The following AP1S3 variants were observed in gnomAD, a reference collection of about 807,000 sequenced individuals.
AP1S3 encodes AP-1 complex subunit sigma-3.
Under a neutral mutation model 20.9 loss-of-function variants are expected in AP1S3, and 10 were observed. That is an observed-to-expected ratio of 0.48 (90% CI 0.29 to 0.81). AP1S3 has a LOEUF of 0.81. Among genes scored for constraint, AP1S3 ranks in the 30% least tolerant of loss-of-function variants. The pLI is 0.08. For missense variants in AP1S3, 154 were observed against 183.8 expected, an observed-to-expected ratio of 0.84 and a Z score of 0.94; for synonymous variants, 41 against 61.5, an observed-to-expected ratio of 0.67 and a Z score of 1.56.
intron 1 of AP1S3, among the ~76,000 whole-genome samples, chr2:223,791,967 C>T (rs1691224638): frequency 6.6e-6 from 1 of 151,192 alleles, no homozygotes; most frequent in Non-Finnish European, 1.5e-5. Context: ...AGGAATACAG[C>T]TAACAAAAAC....
At chr2:223,825,458 A>G (rs557945880) in intron 1 of AP1S3, among the ~76,000 whole-genome samples, 211 of 152,130 alleles carry the variant, frequency 1.4e-3, no homozygotes, top group Non-Finnish European at 2.7e-3. Flanking sequence ...TCACTCATAC[A>G]CACACTGTTT....
At chr2:223,826,278 G>A (rs1212553365) in intron 1 of AP1S3, among the ~76,000 whole-genome samples, 2 of 151,368 alleles carry the variant, frequency 1.3e-5, no homozygotes, top group African/African-American at 2.4e-5. Context: ...ATTTCAGTAC[G>A]ACTCTGAAGT....
intron 3 of AP1S3, among the ~76,000 whole-genome samples, chr2:223,773,651 A>G (rs1690684197): frequency 6.6e-6 from 1 of 152,172 alleles, no homozygotes; most frequent in South Asian, 2.1e-4. Flanking sequence ...TCCAGTGTTC[A>G]TCCTTATGAA....
chr2:223,789,375 C>G (rs910465895), intron 1 of AP1S3, among the ~76,000 whole-genome samples: 1 of 151,974 alleles, frequency 6.6e-6, no homozygotes, highest in Non-Finnish European at 1.5e-5. Flanking sequence ...TGGACCCCCC[C>G]CAAAAAAATA....
At chr2:223,794,448 T>C (rs1691288420) in intron 1 of AP1S3, among the ~76,000 whole-genome samples, 1 of 152,128 alleles carries the variant, frequency 6.6e-6, no homozygotes, top group African/African-American at 2.4e-5. Flanking sequence ...AAGCCCAGGG[T>C]TTTATTGGGT....
At position 223,819,528 on chromosome 2, in the gene AP1S3, CAATAA is replaced by C. The variant is rs969831631; in HGVS notation, c.3+17915_3+17919del. Among the ~76,000 whole-genome samples the C allele has an allele frequency of 1.1e-4, 16 of 150,416 alleles. No individual in the cohort carries two copies. The South Asian group carries it at 3.1e-3, about 29-fold the overall frequency. ...AAGTCCATAAATAACTGGCAGTTGGCAATAAAATTGACATTTAATTATATATCTTT... is the reference window on the plus strand; with the variant it reads ...AAGTCCATAAATAACTGGCAGTTGGCAATTGACATTTAATTATATATCTTT... On this transcript the variant is annotated intron_variant, in intron 1 of 4. Transcript: ENST00000396654.
At chr2:223,800,727 A>T (rs1691449072) in intron 1 of AP1S3, among the ~76,000 whole-genome samples, 1 of 152,228 alleles carries the variant, frequency 6.6e-6, no homozygotes, top group Admixed American at 6.5e-5. Flanking sequence ...TACAATTAAC[A>T]TTATACTTAA....
chr2:223,770,726 C>CTTTTTTTTTTTTTTTT (rs1194728092), intron 3 of AP1S3, among the ~76,000 whole-genome samples: 1 of 76,630 alleles, frequency 1.3e-5, no homozygotes, highest in Non-Finnish European at 2.1e-5. Flanking sequence ...TAGACCAGTT[C>CTTTTTTTTTTTTTTTT]ATTTTTTTTT....
intron 1 of AP1S3, among the ~76,000 whole-genome samples, chr2:223,811,311 T>C (rs539383143): frequency 1.3e-5 from 2 of 152,210 alleles, no homozygotes; most frequent in East Asian, 1.9e-4. Context: ...CTCATGCCTG[T>C]AATCCCAACA....
At chr2:223,785,660 T>A (rs897952446) in intron 1 of AP1S3, among the ~76,000 whole-genome samples, 1 of 152,206 alleles carries the variant, frequency 6.6e-6, no homozygotes. Context: ...AATAAAACTT[T>A]AGCTCAAAGA....
intron 1 of AP1S3, among the ~76,000 whole-genome samples, chr2:223,783,230 C>A (rs1324551272): frequency 6.6e-6 from 1 of 152,150 alleles, no homozygotes. Flanking sequence ...GCTGTAACAT[C>A]CAGGGAGGCG....
In AP1S3 at chr2:223,821,709, T is replaced by C. The variant is rs892249782; in HGVS notation, c.3+15739A>G. On this transcript the variant is annotated intron_variant, in intron 1 of 4. Transcript: ENST00000396654. ...CCAGCTATGGACACGAAAACCCCCATCTTCCAGCCACACCTGGATGAGCCT... is the reference window on the plus strand; with the variant it reads ...CCAGCTATGGACACGAAAACCCCCACCTTCCAGCCACACCTGGATGAGCCT... 2.0e-5 allele frequency among the ~76,000 whole-genome samples: 3 copies of C among 152,058 alleles called. No individual in the cohort carries two copies. The East Asian group carries it at 5.8e-4, about 29-fold the overall frequency.
intron 1 of AP1S3, among the ~76,000 whole-genome samples, chr2:223,795,862 A>AATGTC (rs1228479036): frequency 2.0e-5 from 3 of 152,132 alleles, no homozygotes; most frequent in Non-Finnish European, 4.4e-5. Flanking sequence ...GCATTCAGTA[A>AATGTC]ATGTCTGTAA....
intron 1 of AP1S3, among the ~76,000 whole-genome samples, chr2:223,809,704 T>C (rs1240647530): frequency 6.6e-6 from 1 of 151,150 alleles, no homozygotes; most frequent in East Asian, 2.0e-4. Context: ...GACCACCCTA[T>C]ATAAAATGCA....
At chr2:223,766,657 A>G (rs538501318) in intron 3 of AP1S3, among the ~76,000 whole-genome samples, 1 of 152,338 alleles carries the variant, frequency 6.6e-6, no homozygotes, top group African/African-American at 2.4e-5. Context: ...TGATTCCTCA[A>G]GGATCTAGAG....
chr2:223,808,825 G>A (rs1364484505), intron 1 of AP1S3, among the ~76,000 whole-genome samples: 1 of 152,070 alleles, frequency 6.6e-6, no homozygotes, highest in Non-Finnish European at 1.5e-5. Context: ...GGGCAACATG[G>A]CGAAACCCCA....
rs1255497094 is a variant in AP1S3, at chr2:223,821,763, A to T, written c.3+15685T>A. On this transcript the variant is annotated intron_variant, in intron 1 of 4. Coordinates refer to ENST00000396654, the MANE Select transcript of AP1S3 (RefSeq NM_001039569.2). ...TCCTGGGCAACAGCAACACAAGGAC[A>T]TATGCTTAACAACTGAGCATCAGGC... 3.3e-5 allele frequency among the ~76,000 whole-genome samples: 5 copies of T among 152,212 alleles called. No individual in the cohort carries two copies. The South Asian group carries it at 1.0e-3, about 32-fold the overall frequency.
chr2:223,788,009 C>T (rs1019804899), intron 1 of AP1S3, among the ~76,000 whole-genome samples: 8 of 151,906 alleles, frequency 5.3e-5, no homozygotes, highest in African/African-American at 9.7e-5. Context: ...CAGGCTGGAG[C>T]GCAGTGGTGT....
intron 1 of AP1S3, among the ~76,000 whole-genome samples, chr2:223,815,775 T>C (rs1435693187): frequency 1.3e-5 from 2 of 152,134 alleles, no homozygotes; most frequent in African/African-American, 2.4e-5. Flanking sequence ...CAAAACAACA[T>C]ACTATGTAAC....
Sources: gnomAD v4.1 joint callset for allele counts (sites outside exome capture counted in the v4.1 genomes callset) on GRCh38, gnomAD v4.1.1 for gene constraint, MANE v1.5 for transcripts, NCBI Gene and HGNC (gene_info 2026-07-23, HGNC 2026-07-21) for gene names.